Variants in TATDN2 observed in about 807,000 individuals in gnomAD.
TATDN2 encodes 3'-5' RNA nuclease TATDN2.
A neutral mutation model predicts 60.3 loss-of-function variants in TATDN2; 44 were observed. The ratio of observed to expected loss-of-function variants is 0.73; its 90% CI spans 0.57 to 0.94. TATDN2 has a LOEUF of 0.94. Among genes scored for constraint, TATDN2 ranks in the 40% least tolerant of loss-of-function variants. The pLI, the probability that TATDN2 is intolerant of heterozygous loss-of-function variation, is 0.00. For missense variants in TATDN2, 997 were observed against 948.0 expected (o/e 1.05, Z -0.68); for synonymous variants, 399 against 355.8 (o/e 1.12, Z -1.37).
intron 5 of TATDN2, among the ~76,000 whole-genome samples, chr3:10,277,956 C>A (rs1698662818): frequency 6.6e-6 from 1 of 152,000 alleles, no homozygotes; most frequent in Non-Finnish European, 1.5e-5. Flanking sequence ...ATCATAGGGG[C>A]CACAGTTGTT....
chr3:10,256,255 C>A (rs1471121684), intron 2 of TATDN2, among the ~76,000 whole-genome samples: 2 of 152,046 alleles, frequency 1.3e-5, no homozygotes, highest in Non-Finnish European at 2.9e-5. Context: ...CTTACTGTGA[C>A]CTTGACCTTC....
chr3:10,276,616 T>G, intron 5 of TATDN2, 128 bp downstream of exon 5: 1 of 1,296,558 alleles, frequency 7.7e-7, no homozygotes, highest in Non-Finnish European at 1.0e-6. Flanking sequence ...CGAGACGGAA[T>G]CTCACCCTGT....
In TATDN2 at chr3:10,260,507, A is replaced by T. The variant is rs766306350; in HGVS notation, c.785A>T (p.Lys262Met). ...CCAGAGGTCAGCATGGAGGAGGATA[A>T]GACAGTGCCAGAGAGGAGCAGCTTC... is the stretch of plus-strand genomic sequence containing the variant. ...ATPEVSMEEDKTVPERSSFYD... is the reference protein window; with the variant it reads ...ATPEVSMEEDMTVPERSSFYD... Residue 262 changes from lysine (K) to methionine (M), a missense_variant, in exon 3 of 8, where the codon AAG becomes ATG. By Grantham distance (95) the Lys-to-Met change is moderately conservative. Coordinates refer to ENST00000448281, the MANE Select transcript of TATDN2 (RefSeq NM_014760.4). The T allele has an allele frequency of 6.2e-7, 1 of 1,614,122 alleles. No individual in the cohort carries two copies. The highest frequency in any genetic ancestry group is 8.5e-7 in the Non-Finnish European group (1 of 1,179,968).
At chr3:10,269,750 A>G (rs994450701) in intron 3 of TATDN2, among the ~76,000 whole-genome samples, 2 of 152,176 alleles carry the variant, frequency 1.3e-5, no homozygotes, top group Admixed American at 6.5e-5. Flanking sequence ...TTTTGAATAT[A>G]TTGACGACAG....
At chr3:10,271,466 A>G (rs1052573407) in intron 4 of TATDN2, among the ~76,000 whole-genome samples, 6 of 151,706 alleles carry the variant, frequency 4.0e-5, no homozygotes, top group Non-Finnish European at 7.4e-5. Context: ...GGCGTGCATC[A>G]CTACACCCGG....
intron 7 of TATDN2, 23 bp downstream of exon 7, chr3:10,279,086 T>C (rs1698684785): frequency 6.4e-7 from 1 of 1,570,942 alleles, no homozygotes; most frequent in African/African-American, 1.4e-5. Context: ...ACATTCTGTA[T>C]TTTTTAAAAA....
intron 2 of TATDN2, among the ~76,000 whole-genome samples, 192 bp downstream of exon 2, chr3:10,249,806 A>G (rs962378034): frequency 1.3e-5 from 2 of 152,204 alleles, no homozygotes; most frequent in African/African-American, 4.8e-5. Context: ...GAAGTTAAGT[A>G]GAGAGGTAAT....
Position 10,249,043 on chromosome 3 carries a change from T to A in TATDN2, c.-31T>A. ...ATCTCTGAAACCTTGAGAACTGTGATGGGCAGTGGAAAGAAGAGGGAAAGG... is the reference window on the plus strand; with the variant it reads ...ATCTCTGAAACCTTGAGAACTGTGAAGGGCAGTGGAAAGAAGAGGGAAAGG... On this transcript the variant is annotated 5_prime_UTR_variant, in exon 1 of 8. The change abolishes an upstream ATG in the 5' untranslated region. Coordinates refer to ENST00000448281, the MANE Select transcript of TATDN2 (RefSeq NM_014760.4). The A allele has an allele frequency of 3.8e-6, 3 of 797,274 alleles. No homozygotes were observed. The highest frequency in any genetic ancestry group is 5.4e-6 in the Non-Finnish European group (3 of 560,008). 49.4% of individuals were successfully genotyped at this position (797,274 alleles called of 1,614,324 possible). A position where few individuals can be genotyped will look rare whatever the true frequency, so the allele number is the denominator to read the frequency against.
At chr3:10,259,959 A>C (rs1310352975) in intron 2 of TATDN2, among the ~76,000 whole-genome samples, 178 bp from the exon 3 acceptor site, 1 of 152,216 alleles carries the variant, frequency 6.6e-6, no homozygotes, top group Non-Finnish European at 1.5e-5. Flanking sequence ...ATGCTAAGAA[A>C]TGGCAGCAAT....
chr3:10,262,198 G>GCC (rs879459785), intron 3 of TATDN2, among the ~76,000 whole-genome samples: 6 of 151,990 alleles, frequency 3.9e-5, no homozygotes, highest in African/African-American at 1.5e-4. Context: ...CTGTTGTCCT[G>GCC]CTCTGGTCTG....
Position 10,278,477 on chromosome 3 carries a change from A to C in TATDN2, c.2145+15A>C. On this transcript the variant is annotated intron_variant, in intron 6 of 7. Coordinates refer to ENST00000448281, the MANE Select transcript of TATDN2 (RefSeq NM_014760.4). This position sits in a 1 kb window ranked among gnomAD's most constrained non-coding sequence, Gnocchi z 4.7. ...TCCCTCGCCAGGTAAGGGGGTCTTC[A>C]GGCTGAGTGGAGGCACCGGAGGGAG... 6.3e-7 allele frequency: 1 copy of C among 1,586,916 alleles called. No individual in the cohort carries two copies. The highest frequency in any genetic ancestry group is 8.6e-7 in the Non-Finnish European group (1 of 1,160,858).
rs558565545 is a variant in TATDN2, at chr3:10,280,563, T to C, written c.*1381T>C. ...CTTAAATTGTAAAATACATCCCTTA[T>C]GGAATCCTAAATTCCTCTAGGTGTT... On this transcript the variant is annotated 3_prime_UTR_variant, in exon 8 of 8. Transcript: ENST00000448281. 1.3e-5 allele frequency: 2 copies of C among 153,898 alleles called. No individual in the cohort carries two copies. The highest frequency in any genetic ancestry group is 4.1e-4 in the South Asian group (2 of 4,822). 9.5% of individuals were successfully genotyped at this position (153,898 alleles called of 1,614,324 possible).
At position 10,270,144 on chromosome 3, in the gene TATDN2, A is replaced by AG; in HGVS notation, c.964dup (p.Val322GlyfsTer11). ...TCTTTTCTGCAGCATAAAGATAGGG[A>AG]GGTGGTGATGGAGCACCCCTCTTCT... On this transcript the variant is annotated frameshift_variant, in exon 4 of 8. Transcript: ENST00000448281. LOFTEE classifies it high-confidence loss of function. The AG allele has an allele frequency of 1.2e-6, 2 of 1,612,206 alleles. No homozygotes were observed. Among genetic ancestry groups the AG allele is most frequent in the Non-Finnish European group, 1.7e-6 (2 of 1,179,116 alleles).
intron 4 of TATDN2, among the ~76,000 whole-genome samples, chr3:10,275,874 ACAC>A (rs1698629352): frequency 6.6e-6 from 1 of 152,214 alleles, no homozygotes; most frequent in Non-Finnish European, 1.5e-5. Flanking sequence ...ATGCACACAA[ACAC>A]CACGCCCTGC....
intron 3 of TATDN2, among the ~76,000 whole-genome samples, chr3:10,269,385 A>G (rs1698523906): frequency 6.6e-6 from 1 of 152,222 alleles, no homozygotes; most frequent in African/African-American, 2.4e-5. Context: ...AATGGGGAGA[A>G]GGGTTAAATA....
At chr3:10,275,063 G>T (rs1698615628) in intron 4 of TATDN2, among the ~76,000 whole-genome samples, 1 of 146,480 alleles carries the variant, frequency 6.8e-6, no homozygotes, top group African/African-American at 2.5e-5. Context: ...TCAGCTCACT[G>T]CAGCCTTTGC....
At position 10,279,287 on chromosome 3, in the gene TATDN2, A is replaced by G. The variant is rs1046803685; in HGVS notation, c.*105A>G. On this transcript the variant is annotated 3_prime_UTR_variant, in exon 8 of 8. Coordinates refer to ENST00000448281, the MANE Select transcript of TATDN2 (RefSeq NM_014760.4). The stretch of plus-strand genomic sequence containing the variant: ...TGTGTCTCAGGTCGAGGATGTGTTT[A>G]GAGAGCTGATTGGAACACAGAAAAC... The G allele has an allele frequency of 5.8e-6, 2 of 345,446 alleles. No individual in the cohort carries two copies. Among genetic ancestry groups the G allele is most frequent in the Non-Finnish European group, 1.1e-5 (2 of 185,388 alleles). The allele number at this position is 345,446 out of a possible 1,614,324, so 21.4% of individuals were successfully genotyped here.
Position 10,253,137 on chromosome 3 carries a change from G to A in TATDN2, c.414+3523G>A, listed in dbSNP as rs191385434. 3.2e-3 allele frequency among the ~76,000 whole-genome samples: 479 copies of A among 151,154 alleles called. 2 individuals carry two copies. Among genetic ancestry groups the A allele is most frequent in the South Asian group, 0.017 (82 of 4,762 alleles). On this transcript the variant is annotated intron_variant, in intron 2 of 7. Coordinates refer to ENST00000448281, the MANE Select transcript of TATDN2 (RefSeq NM_014760.4). The stretch of plus-strand genomic sequence containing the variant: ...CTCCCAAAGTGCTGGGATTACAGGC[G>A]TGAACCACCGCGCCTGGCCTGCCTG...
intron 3 of TATDN2, among the ~76,000 whole-genome samples, chr3:10,269,377 T>G (rs902796869): frequency 6.6e-6 from 1 of 152,186 alleles, no homozygotes; most frequent in Non-Finnish European, 1.5e-5. Context: ...CCACTCTCAA[T>G]GGGGAGAAGG....
Sources: gnomAD v4.1 joint callset for allele counts (sites outside exome capture counted in the v4.1 genomes callset) on GRCh38, gnomAD v4.1.1 for gene constraint, Gnocchi (gnomAD v3.1) non-coding constraint, MANE v1.5 for transcripts, NCBI Gene and HGNC (gene_info 2026-07-23, HGNC 2026-07-21) for gene names.